The following NR1D2 variants were observed in gnomAD, a reference collection of about 807,000 sequenced individuals.
NR1D2 encodes nuclear receptor subfamily 1 group D member 2.
In NR1D2, 25 loss-of-function variants were observed where a neutral mutation model predicts 52.2. The observed-to-expected ratio is 0.48, with a 90% confidence interval of 0.35 to 0.67. The LOEUF is 0.67. Ranked by LOEUF, NR1D2 falls within the 30% of genes least tolerant of loss-of-function variation. The pLI is 0.01. For missense variants in NR1D2, 681 were observed against 707.2 expected (o/e 0.96, Z 0.42); for synonymous variants, 259 against 230.1 (o/e 1.13, Z -1.14).
intron 4 of NR1D2, among the ~76,000 whole-genome samples, chr3:23,960,575 A>G (rs1231148426): frequency 6.6e-6 from 1 of 152,020 alleles, no homozygotes; most frequent in Non-Finnish European, 1.5e-5. Context: ...CAAGTGATCC[A>G]CCTGCCTCGG....
chr3:23,946,451 C>A, intron 1 of NR1D2: 1 of 266,866 alleles, frequency 3.7e-6, no homozygotes, highest in Non-Finnish European at 5.8e-6. Context: ...CGATCCCGAG[C>A]GACTCCCCGC....
rs150332393 is a variant in NR1D2 at position 23,976,100 on chromosome 3, G to A, written c.1544-1123G>A. On this transcript the variant is annotated intron_variant, in intron 7 of 7. Coordinates refer to ENST00000312521, the MANE Select transcript of NR1D2 (RefSeq NM_005126.5). Reference sequence around the variant, plus strand: ...CTTGCTGATGAAAACATCTATGGGTGATCTACATAGGTTTGCCTGATTTTA... The same window carrying A: ...CTTGCTGATGAAAACATCTATGGGTAATCTACATAGGTTTGCCTGATTTTA... Among the ~76,000 whole-genome samples the A allele has an allele frequency of 7.9e-5, 12 of 152,352 alleles. No homozygotes were observed. In the East Asian group the frequency reaches 2.1e-3, roughly 27 times the overall value.
chr3:23,945,674 AGG>A (rs915122669), intron 1 of NR1D2, 80 bp downstream of exon 1: 1 of 221,962 alleles, frequency 4.5e-6, no homozygotes. Flanking sequence ...GGGCGGCGGC[AGG>A]GGGTGTCCCC....
At chr3:23,945,828 C>A (rs1344888957) in intron 1 of NR1D2, among the ~76,000 whole-genome samples, 2 of 150,826 alleles carry the variant, frequency 1.3e-5, no homozygotes, top group South Asian at 4.1e-4. Flanking sequence ...CGGCCCGGCC[C>A]CCCCCTCACA....
chr3:23,972,995 TG>T (rs2125298179), intron 7 of NR1D2, among the ~76,000 whole-genome samples: 1 of 152,346 alleles, frequency 6.6e-6, no homozygotes, highest in South Asian at 2.1e-4. Flanking sequence ...AAATAGCCAC[TG>T]AAAGACCAAC....
chr3:23,956,194 A>G lies in NR1D2; in HGVS notation c.372+69A>G, dbSNP rs1706076782. On this transcript the variant is annotated intron_variant, in intron 3 of 7. Coordinates refer to ENST00000312521, the MANE Select transcript of NR1D2 (RefSeq NM_005126.5). Reference sequence around the variant, plus strand: ...TAAGAAGTTGGGTTTAGATTTACCCATTTGTGCAATTGATAGTCTGAGAGA... The same window carrying G: ...TAAGAAGTTGGGTTTAGATTTACCCGTTTGTGCAATTGATAGTCTGAGAGA... The G allele has an allele frequency of 3.3e-6, 4 of 1,211,564 alleles. No homozygotes were observed. In the South Asian group the frequency reaches 4.8e-5, roughly 15 times the overall value. The allele number at this position is 1,211,564 out of a possible 1,614,324, so 75.1% of individuals were successfully genotyped here.
At chr3:23,948,713 TACTC>T (rs1420288568) in intron 1 of NR1D2, among the ~76,000 whole-genome samples, 3 of 152,230 alleles carry the variant, frequency 2.0e-5, no homozygotes, top group East Asian at 1.9e-4. Context: ...CTAAATAACT[TACTC>T]AGGCAAGTAG....
chr3:23,966,636 G>GT (rs1706457169), intron 6 of NR1D2, among the ~76,000 whole-genome samples: 2 of 152,198 alleles, frequency 1.3e-5, no homozygotes, highest in Non-Finnish European at 2.9e-5. Flanking sequence ...CAGAATCTTT[G>GT]TTAATAGAGT....
chr3:23,967,921 G>C lies in NR1D2; in HGVS notation c.1441G>C (p.Asp481His). 6.2e-7 allele frequency: 1 copy of C among 1,612,938 alleles called. No individual in the cohort carries two copies. Among genetic ancestry groups the C allele is most frequent in the Non-Finnish European group, 8.5e-7 (1 of 1,178,900 alleles). The part of the protein sequence containing the change: ...VDDLHSMGAG[D>H]LLNSMFEFSE... ...TGATTTACACTCAATGGGAGCAGGG[G>C]ATCTGCTAAACTCTATGTTTGAATT... The change falls in exon 7 of 8, where the codon GAT (aspartate) becomes CAT (histidine). Residue 481 changes from aspartate to histidine, a missense_variant. Physicochemically the swap from Asp to His is moderately conservative, Grantham distance 81. This residue lies in a region of NR1D2 where 475 missense variants were observed against 454.5 expected (regional missense o/e 1.05). Coordinates refer to ENST00000312521, the MANE Select transcript of NR1D2 (RefSeq NM_005126.5).
chr3:23,971,145 C>T (rs774044124), intron 7 of NR1D2, among the ~76,000 whole-genome samples: 26 of 151,972 alleles, frequency 1.7e-4, no homozygotes, highest in South Asian at 4.1e-4. Context: ...GAAATTCAAA[C>T]GCTACAGAAG....
chr3:23,959,911 C>A (rs997847546), intron 4 of NR1D2, 96 bp downstream of exon 4: 1 of 1,136,946 alleles, frequency 8.8e-7, no homozygotes, highest in Non-Finnish European at 1.2e-6. Flanking sequence ...ACCAAGGACC[C>A]TCTTGTATTT....
intron 1 of NR1D2, among the ~76,000 whole-genome samples, chr3:23,948,683 C>T (rs990510234): frequency 2.0e-5 from 3 of 152,156 alleles, no homozygotes; most frequent in Non-Finnish European, 4.4e-5. Context: ...CTTAATGATG[C>T]GGGGCTAAGT....
intron 3 of NR1D2, among the ~76,000 whole-genome samples, chr3:23,958,229 A>G (rs991274792): frequency 2.0e-5 from 3 of 152,208 alleles, no homozygotes; most frequent in African/African-American, 4.8e-5. Context: ...TCTGTCATGT[A>G]TAAGTAGGCC....
chr3:23,956,021 T>G lies in NR1D2; in HGVS notation c.284-16T>G, dbSNP rs199825900. On this transcript the variant is annotated splice_polypyrimidine_tract_variant and intron_variant, in intron 2 of 7. Coordinates refer to ENST00000312521, the MANE Select transcript of NR1D2 (RefSeq NM_005126.5). ...GTTTCCTCCTACTTTTTACTTCGTG[T>G]CCTTTTGTGTCCTAGAATTTAGTGG... 1.3e-3 allele frequency: 2,002 copies of G among 1,595,586 alleles called. 8 individuals are homozygous for G. Among genetic ancestry groups the G allele is most frequent in the Middle Eastern group, 4.6e-3 (28 of 6,026 alleles).
intron 1 of NR1D2, among the ~76,000 whole-genome samples, chr3:23,949,557 C>T (rs1705868231): frequency 6.6e-6 from 1 of 152,170 alleles, no homozygotes; most frequent in Non-Finnish European, 1.5e-5. Flanking sequence ...AAACATTGCT[C>T]CTAATAACAT....
Position 23,979,754 on chromosome 3 carries a change from T to C in NR1D2, c.*2335T>C, listed in dbSNP as rs530294131. ...AGCAGCCTATTACAAGCACATTCTTTGATTGAGTCATTGGTTATAAACTTA... is the reference window on the plus strand; with the variant it reads ...AGCAGCCTATTACAAGCACATTCTTCGATTGAGTCATTGGTTATAAACTTA... On this transcript the variant is annotated 3_prime_UTR_variant, in exon 8 of 8. Coordinates refer to ENST00000312521, the MANE Select transcript of NR1D2 (RefSeq NM_005126.5). 8.5e-5 allele frequency: 13 copies of C among 152,264 alleles called. No homozygotes were observed. In the South Asian group the frequency reaches 2.3e-3, roughly 27 times the overall value. The allele number at this position is 152,264 out of a possible 1,614,324, so 9.4% of individuals were successfully genotyped here. A position where few individuals can be genotyped will look rare whatever the true frequency, so the allele number is the denominator to read the frequency against.
At chr3:23,953,665 G>A (rs753580780) in intron 1 of NR1D2, among the ~76,000 whole-genome samples, 1 of 152,134 alleles carries the variant, frequency 6.6e-6, no homozygotes, top group African/African-American at 2.4e-5. Context: ...AAACAGAAAG[G>A]TGTGGGAGCA....
intron 3 of NR1D2, among the ~76,000 whole-genome samples, chr3:23,958,595 A>C (rs1020115252): frequency 3.4e-5 from 5 of 146,470 alleles, no homozygotes; most frequent in Non-Finnish European, 7.4e-5. Context: ...AGCTATTATT[A>C]CGTCATTGTA....
intron 5 of NR1D2, 34 bp from the exon 6 acceptor site, chr3:23,964,943 G>T: frequency 7.2e-7 from 1 of 1,388,800 alleles, no homozygotes; most frequent in African/African-American, 1.4e-5. Flanking sequence ...CCACCTCTTA[G>T]TATTTAAGAG....
Sources: gnomAD v4.1 joint callset for allele counts (sites outside exome capture counted in the v4.1 genomes callset) on GRCh38, gnomAD v4.1.1 for gene constraint, gnomAD v4.1.1 regional missense constraint, MANE v1.5 for transcripts, NCBI Gene and HGNC (gene_info 2026-07-23, HGNC 2026-07-21) for gene names.